SLCO1B3: variants seen among roughly 807,000 people sequenced by gnomAD.
SLCO1B3 encodes the protein solute carrier organic anion transporter family member 1B3.
In SLCO1B3, 72 loss-of-function variants were observed where a neutral mutation model predicts 71.8. That is an observed-to-expected ratio of 1.00 (90% CI 0.83 to 1.22). The LOEUF (loss-of-function observed/expected upper bound fraction) is 1.22, where lower values mean the gene tolerates loss of function less well. SLCO1B3 is among the 50% of genes most tolerant of loss of function. The pLI is 0.00. For synonymous variants in SLCO1B3, 298 were observed against 278.4 expected (o/e 1.07, Z -0.70); for missense variants, 911 against 819.7 (o/e 1.11, Z -1.36).
chr12:20,884,772 GAAAA>G (rs954353165), intron 13 of SLCO1B3, among the ~76,000 whole-genome samples: 1 of 141,496 alleles, frequency 7.1e-6, no homozygotes. Context: ...TGACATGGTA[GAAAA>G]AAAAAAAGCA....
At chr12:20,889,926 T>C (rs550241529) in intron 13 of SLCO1B3, among the ~76,000 whole-genome samples, 2 of 152,030 alleles carry the variant, frequency 1.3e-5, no homozygotes, top group African/African-American at 4.8e-5. Context: ...TTTTTTTTTT[T>C]TTGTTTTTGG....
chr12:20,910,884 A>C (rs1314985687), intron 15 of SLCO1B3, among the ~76,000 whole-genome samples: 1 of 152,076 alleles, frequency 6.6e-6, no homozygotes, highest in East Asian at 1.9e-4. Flanking sequence ...CTACATATAC[A>C]TATGCAAACA....
intron 3 of SLCO1B3, among the ~76,000 whole-genome samples, chr12:20,844,833 C>T (rs1440395354): frequency 6.6e-6 from 1 of 151,932 alleles, no homozygotes. Flanking sequence ...AATTCAAGAC[C>T]AGCCTGGCCA....
intron 8 of SLCO1B3, among the ~76,000 whole-genome samples, chr12:20,866,893 AG>A (rs905283406): frequency 1.3e-5 from 2 of 152,144 alleles, no homozygotes; most frequent in African/African-American, 4.8e-5. Flanking sequence ...TAAGCCTTGA[AG>A]GGGAAATAGT....
chr12:20,832,059 C>T (rs950244533), intron 3 of SLCO1B3, among the ~76,000 whole-genome samples: 8 of 152,152 alleles, frequency 5.3e-5, no homozygotes, highest in African/African-American at 1.9e-4. Context: ...AGTCTGATTC[C>T]AAATTCCATG....
chr12:20,824,335 T>A (rs1373569882), intron 3 of SLCO1B3, among the ~76,000 whole-genome samples: 1 of 152,238 alleles, frequency 6.6e-6, no homozygotes, highest in African/African-American at 2.4e-5. Flanking sequence ...CAGCAAGACT[T>A]ATTAATACAT....
At position 20,880,887 on chromosome 12, in the gene SLCO1B3, C is replaced by G. The variant is rs759306295; in HGVS notation, c.1364C>G (p.Pro455Arg). The change falls in exon 12 of 16, where the codon CCA (proline) becomes CGA (arginine). Residue 455 changes from proline (P) to arginine (R), a missense_variant. By Grantham distance (103) the Pro-to-Arg change is moderately radical. Coordinates refer to ENST00000381545, the MANE Select transcript of SLCO1B3 (RefSeq NM_019844.4). ...NNSVASHVDV[P>R]LSYCNSECNC... ...TCAGTGGCATCTCATGTAGATGTAC[C>G]ACTTTCTTATTGCAACTCAGAGTGC... 4.3e-5 allele frequency: 69 copies of G among 1,608,324 alleles called. No homozygotes were observed. Among genetic ancestry groups the G allele is most frequent in the Non-Finnish European group, 5.7e-5 (67 of 1,175,832 alleles).
chr12:20,814,976 C>CTTTTTTTTTTTTTTTTTTTTT (rs1297703814), intron 2 of SLCO1B3, among the ~76,000 whole-genome samples: 1 of 117,110 alleles, frequency 8.5e-6, no homozygotes, highest in Non-Finnish European at 1.8e-5. Context: ...CTTTTCTTTT[C>CTTTTTTTTTTTTTTTTTTTTT]TTTTCTTTTT....
chr12:20,879,066 T>C (rs927921275), intron 10 of SLCO1B3, among the ~76,000 whole-genome samples: 7 of 152,110 alleles, frequency 4.6e-5, no homozygotes, highest in Non-Finnish European at 7.4e-5. Flanking sequence ...ATAACCTTTT[T>C]AGACACGTAA....
intron 3 of SLCO1B3, among the ~76,000 whole-genome samples, chr12:20,828,126 T>G (rs1273888745): frequency 6.6e-6 from 1 of 152,116 alleles, no homozygotes; most frequent in Non-Finnish European, 1.5e-5. Flanking sequence ...CTCTGAGCTC[T>G]TTGCACAAAG....
rs59793824 is a variant in SLCO1B3, at chr12:20,810,779, G to C, written c.-181+15G>C. 7 of 152,220 alleles carry C rather than the reference G, an allele frequency of 4.6e-5. No homozygotes were observed. In the East Asian group the frequency reaches 1.3e-3, roughly 29 times the overall value. The allele number at this position is 152,220 out of a possible 1,614,324, so 9.4% of individuals were successfully genotyped here. A position where few individuals can be genotyped will look rare whatever the true frequency, so the allele number is the denominator to read the frequency against. On this transcript the variant is annotated intron_variant, in intron 1 of 15. Transcript: ENST00000381545. ...TCAAAGTCAAGGTAAGAACCGTCGA[G>C]GTTGTCTAATTAAAACATTTCTTTT...
At chr12:20,822,117 G>A (rs1864324058) in intron 3 of SLCO1B3, among the ~76,000 whole-genome samples, 1 of 152,190 alleles carries the variant, frequency 6.6e-6, no homozygotes, top group Non-Finnish European at 1.5e-5. Flanking sequence ...TTCTCACGGA[G>A]CAAAGAGCAG....
intron 11 of SLCO1B3, among the ~76,000 whole-genome samples, chr12:20,879,890 T>C (rs1458627686): frequency 6.6e-6 from 1 of 152,106 alleles, no homozygotes; most frequent in Non-Finnish European, 1.5e-5. Flanking sequence ...TAGACACTTT[T>C]ACCCCAATTT....
chr12:20,895,537 G>T (rs1291321211), intron 13 of SLCO1B3, among the ~76,000 whole-genome samples: 1 of 152,174 alleles, frequency 6.6e-6, no homozygotes, highest in Non-Finnish European at 1.5e-5. Context: ...TCACATCTGG[G>T]TCACACTGAT....
At chr12:20,854,124 G>A (rs4343075) in intron 3 of SLCO1B3, among the ~76,000 whole-genome samples, 109,947 of 151,878 alleles carry the variant, frequency 0.72, 42,350 homozygotes, top group South Asian at 0.88. Context: ...TGTGGGCCAC[G>A]GTGGTCTATC....
At chr12:20,843,379 C>T (rs1266669423) in intron 3 of SLCO1B3, among the ~76,000 whole-genome samples, 5 of 152,104 alleles carry the variant, frequency 3.3e-5, no homozygotes, top group South Asian at 2.1e-4. Context: ...TGTATCTTTA[C>T]ATGCCACACT....
intron 15 of SLCO1B3, among the ~76,000 whole-genome samples, chr12:20,914,598 C>A (rs1306278768): frequency 6.6e-6 from 1 of 152,030 alleles, no homozygotes; most frequent in African/African-American, 2.4e-5. Flanking sequence ...TAACTGATTT[C>A]TTCTCTGATA....
intron 3 of SLCO1B3, among the ~76,000 whole-genome samples, 186 bp from the exon 4 acceptor site, chr12:20,854,841 GC>G (rs1565590317): frequency 6.6e-6 from 1 of 152,182 alleles, no homozygotes; most frequent in Non-Finnish European, 1.5e-5. Context: ...AGAAAATCAT[GC>G]TTTAGTAGTG....
At chr12:20,864,092 T>A (rs764755797) in intron 8 of SLCO1B3, among the ~76,000 whole-genome samples, 2 of 152,172 alleles carry the variant, frequency 1.3e-5, no homozygotes, top group Non-Finnish European at 2.9e-5. Flanking sequence ...CTATGCCCTG[T>A]AATCTCACAC....
Sources: gnomAD v4.1 joint callset for allele counts (sites outside exome capture counted in the v4.1 genomes callset) on GRCh38, gnomAD v4.1.1 for gene constraint, MANE v1.5 for transcripts, NCBI Gene and HGNC (gene_info 2026-07-23, HGNC 2026-07-21) for gene names.